ELAPOR1: variants seen among roughly 807,000 people sequenced by gnomAD.
ELAPOR1 encodes endosome/lysosome-associated apoptosis and autophagy regulator 1.
In ELAPOR1, 77 loss-of-function variants were observed where a neutral mutation model predicts 119.7. The observed-to-expected ratio is 0.64, with a 90% CI of 0.54 to 0.78. The LOEUF (loss-of-function observed/expected upper bound fraction) is 0.78, where lower values mean the gene tolerates loss of function less well. Ranked by LOEUF, ELAPOR1 falls within the 30% of genes least tolerant of loss-of-function variation. The pLI is 0.00. For synonymous variants in ELAPOR1, 481 were observed against 487.2 expected (o/e 0.99, Z 0.17); for missense variants, 1,115 against 1,270.4 (o/e 0.88, Z 1.86).
At chr1:109,187,937 C>G in intron 8 of ELAPOR1, 1 of 1,274,112 alleles carries the variant, frequency 7.8e-7, no homozygotes, top group African/African-American at 1.5e-5. Context: ...TTCATTAGAG[C>G]TATTCCTTGT....
At chr1:109,148,863 G>A (rs547704068) in intron 1 of ELAPOR1, among the ~76,000 whole-genome samples, 1 of 152,304 alleles carries the variant, frequency 6.6e-6, no homozygotes, top group African/African-American at 2.4e-5. Context: ...AGACAGATGT[G>A]TGTGCTATAT....
Position 109,199,942 on chromosome 1 carries a change from T to A in ELAPOR1, c.2590T>A (p.Tyr864Asn). The change falls in exon 19 of 22, where the codon TAC (tyrosine) becomes AAC (asparagine). Residue 864 changes from tyrosine (Y) to asparagine (N), a missense_variant. Tyr to Asn is a moderately radical substitution (Grantham distance 143). Coordinates refer to ENST00000369939, the MANE Select transcript of ELAPOR1 (RefSeq NM_020775.5). ...TTGCCCGCTCTGCTCAGTGGCTGAC[T>A]ACCATGCTATCGTCAGCAGCTGTGT... ...AACPLCSVADYHAIVSSCVAG... is the reference protein window; with the variant it reads ...AACPLCSVADNHAIVSSCVAG... 6.2e-7 allele frequency: 1 copy of A among 1,614,144 alleles called. No individual in the cohort carries two copies. Among genetic ancestry groups the A allele is most frequent in the Middle Eastern group, 1.6e-4 (1 of 6,062 alleles).
At chr1:109,137,644 C>T (rs1446908623) in intron 1 of ELAPOR1, among the ~76,000 whole-genome samples, 1 of 152,122 alleles carries the variant, frequency 6.6e-6, no homozygotes, top group Non-Finnish European at 1.5e-5. Flanking sequence ...TCTCCTGCCT[C>T]AGCCTTCCTA....
intron 15 of ELAPOR1, among the ~76,000 whole-genome samples, chr1:109,196,505 A>AT (rs1054204530): frequency 3.9e-5 from 6 of 152,124 alleles, no homozygotes; most frequent in African/African-American, 7.2e-5. Flanking sequence ...GAAATGGTGT[A>AT]TTTTTTTATC....
At chr1:109,183,943 G>T (rs1652897596) in intron 7 of ELAPOR1, among the ~76,000 whole-genome samples, 1 of 152,084 alleles carries the variant, frequency 6.6e-6, no homozygotes, top group South Asian at 2.1e-4. Context: ...TAAAGATAGT[G>T]TTGGGCTGGT....
At chr1:109,182,943 A>G (rs1354015714) in intron 7 of ELAPOR1, among the ~76,000 whole-genome samples, 1 of 151,908 alleles carries the variant, frequency 6.6e-6, no homozygotes. Flanking sequence ...AGAAGTTCTT[A>G]CCATTATTCA....
At chr1:109,147,119 T>C (rs1254197639) in intron 1 of ELAPOR1, among the ~76,000 whole-genome samples, 2 of 151,482 alleles carry the variant, frequency 1.3e-5, no homozygotes, top group African/African-American at 4.9e-5. Context: ...TTTCACCATG[T>C]TGGCCAGGCT....
At chr1:109,158,627 A>G (rs967666721) in intron 1 of ELAPOR1, among the ~76,000 whole-genome samples, 5 of 152,074 alleles carry the variant, frequency 3.3e-5, no homozygotes, top group Non-Finnish European at 7.4e-5. Flanking sequence ...CCCATTTAGC[A>G]GTGTAATTTG....
intron 7 of ELAPOR1, among the ~76,000 whole-genome samples, chr1:109,179,274 C>T (rs1030254335): frequency 5.9e-5 from 9 of 151,574 alleles, no homozygotes; most frequent in East Asian, 2.0e-4. Flanking sequence ...TGGTGGCGGG[C>T]GCCTTTAGTC....
At chr1:109,177,281 A>G (rs1386302325) in intron 7 of ELAPOR1, among the ~76,000 whole-genome samples, 12 of 141,652 alleles carry the variant, frequency 8.5e-5, no homozygotes, top group East Asian at 2.1e-4. Context: ...CCGGGCAGAG[A>G]CGCTCCTCAC....
Position 109,141,925 on chromosome 1 carries a change from G to A in ELAPOR1, c.154-19969G>A, listed in dbSNP as rs146514898. Among the ~76,000 whole-genome samples the A allele has an allele frequency of 2.0e-3, 302 of 151,820 alleles. 5 individuals carry two copies. In the South Asian group the frequency reaches 0.028, roughly 14 times the overall value. The stretch of plus-strand genomic sequence containing the variant: ...AGTGATCCTTCCGCCTTGGCCTCTC[G>A]AAGTGCTAGGATTATAGGCATGAGC... On this transcript the variant is annotated intron_variant, in intron 1 of 21. Transcript: ENST00000369939.
rs764558807 is a variant in ELAPOR1, at chr1:109,173,679, C to T, written c.803-9C>T. The T allele has an allele frequency of 6.2e-6, 10 of 1,613,674 alleles. No homozygotes were observed. In the African/African-American group the frequency reaches 1.3e-4, roughly 22 times the overall value. The stretch of plus-strand genomic sequence containing the variant: ...ATCCTTGCTTTTCTGTGCTCTTCCT[C>T]CTCCCTAGGGGTGGCCTACACTTCA... On this transcript the variant is annotated splice_polypyrimidine_tract_variant and intron_variant, in intron 6 of 21. Transcript: ENST00000369939.
intron 7 of ELAPOR1, among the ~76,000 whole-genome samples, chr1:109,181,351 T>A (rs1446448951): frequency 3.3e-5 from 5 of 152,204 alleles, no homozygotes; most frequent in African/African-American, 1.2e-4. Flanking sequence ...GGGCCAATCC[T>A]ACTTAAGTCA....
chr1:109,124,018 GTCTCCAATTCC>G (rs1219597989), intron 1 of ELAPOR1, among the ~76,000 whole-genome samples: 1 of 152,094 alleles, frequency 6.6e-6, no homozygotes, highest in Non-Finnish European at 1.5e-5. Context: ...GCCCAGGCTA[GTCTCCAATTCC>G]TGACCTCAGG....
At chr1:109,131,858 G>T (rs1306047484) in intron 1 of ELAPOR1, among the ~76,000 whole-genome samples, 2 of 152,136 alleles carry the variant, frequency 1.3e-5, no homozygotes, top group Non-Finnish European at 2.9e-5. Context: ...TGTGCCTGGA[G>T]ATGGGAATGT....
intron 13 of ELAPOR1, 54 bp from the exon 14 acceptor site, chr1:109,192,557 T>C: frequency 6.3e-7 from 1 of 1,580,468 alleles, no homozygotes; most frequent in Non-Finnish European, 8.6e-7. Context: ...AGGCCTCAAT[T>C]GTTGCTGCTG....
At chr1:109,144,080 A>C (rs1650031650) in intron 1 of ELAPOR1, among the ~76,000 whole-genome samples, 1 of 54,326 alleles carries the variant, frequency 1.8e-5, no homozygotes, top group East Asian at 6.0e-4. Flanking sequence ...TTTTTTTGAG[A>C]TGGAGTTTCG....
rs753845146 is a variant in ELAPOR1 at position 109,171,897 on chromosome 1, G to A, written c.499G>A (p.Ala167Thr). 1.9e-5 allele frequency: 30 copies of A among 1,614,204 alleles called. No homozygotes were observed. In the African/African-American group the frequency reaches 2.0e-4, roughly 11 times the overall value. Residue 167 changes from alanine (A) to threonine (T), a missense_variant, in exon 4 of 22, where the codon GCC becomes ACC. By Grantham distance (58) the Ala-to-Thr change is moderately conservative (BLOSUM62 0). Transcript: ENST00000369939. ...SKWVPRGDYI[A>T]SNTDECTATL... The stretch of plus-strand genomic sequence containing the variant: ...GTGGGTTCCCCGGGGCGACTACATC[G>A]CCTCCAACACGGACGAATGCACAGC...
At chr1:109,149,377 T>C (rs1450777690) in intron 1 of ELAPOR1, among the ~76,000 whole-genome samples, 2 of 152,090 alleles carry the variant, frequency 1.3e-5, no homozygotes, top group Non-Finnish European at 2.9e-5. Context: ...GAAATCAGTG[T>C]TACTCAGTTT....
Sources: gnomAD v4.1 joint callset for allele counts (sites outside exome capture counted in the v4.1 genomes callset) on GRCh38, gnomAD v4.1.1 for gene constraint, MANE v1.5 for transcripts, NCBI Gene and HGNC (gene_info 2026-07-23, HGNC 2026-07-21) for gene names.